ACSL6: variants seen among roughly 807,000 people sequenced by gnomAD.
The protein encoded by ACSL6 is acyl-CoA synthetase long chain family member 6.
Under a neutral mutation model 98.2 loss-of-function variants are expected in ACSL6, and 47 were observed. The observed-to-expected ratio is 0.48, with a 90% CI of 0.38 to 0.61. The LOEUF is 0.61. Among genes scored for constraint, ACSL6 ranks in the 20% least tolerant of loss-of-function variants. The pLI is 0.00. For synonymous variants in ACSL6, 362 were observed against 336.9 expected (o/e 1.07, Z -0.82); for missense variants, 761 against 913.4 (o/e 0.83, Z 2.15).
intron 8 of ACSL6, 41 bp downstream of exon 8, chr5:131,986,781 G>T (rs199975229): frequency 2.5e-6 from 4 of 1,612,714 alleles, no homozygotes; most frequent in Non-Finnish European, 3.4e-6. Flanking sequence ...GGCCCTGCAC[G>T]CCATCTCGCT....
At chr5:131,969,248 T>C (rs1327079242) in intron 15 of ACSL6, among the ~76,000 whole-genome samples, 1 of 152,242 alleles carries the variant, frequency 6.6e-6, no homozygotes. Context: ...AATATTATTT[T>C]CAGAGTACCT....
intron 7 of ACSL6, 92 bp downstream of exon 7, chr5:131,987,956 C>G: frequency 6.5e-7 from 1 of 1,534,476 alleles, no homozygotes; most frequent in South Asian, 1.2e-5. Context: ...AAAACAGCCA[C>G]CCCAGGGCAT....
In ACSL6 at chr5:132,011,649, C is replaced by G; in HGVS notation, c.-96G>C. ...GCAGCCCCAGCAGTAGCCGCGCCGC[C>G]GCCGCCGCTGCCGGGTATTTTTAGC... On this transcript the variant is annotated 5_prime_UTR_variant, in exon 1 of 21. Transcript: ENST00000651883. The surrounding 1 kb of genome is among the most constrained non-coding windows in gnomAD (Gnocchi z 5.4). 1 of 1,259,938 alleles carries G rather than the reference C, an allele frequency of 7.9e-7. No homozygotes were observed. The highest frequency in any genetic ancestry group is 3.7e-5 in the South Asian group (1 of 27,022). The allele number at this position is 1,259,938 out of a possible 1,614,324, so 78.0% of individuals were successfully genotyped here. A position where few individuals can be genotyped will look rare whatever the true frequency, so the allele number is the denominator to read the frequency against.
rs543464349 is a variant in ACSL6, at chr5:131,973,193, G to A, written c.1203+73C>T. The A allele has an allele frequency of 4.5e-6, 7 of 1,550,694 alleles. No individual in the cohort carries two copies. In the South Asian group the frequency reaches 8.7e-5, roughly 19 times the overall value. On this transcript the variant is annotated intron_variant, in intron 12 of 20. Transcript: ENST00000651883. The stretch of plus-strand genomic sequence containing the variant: ...AGTGGAGGCACTGAAAGCCTGCCTG[G>A]GGCTCCAGACCCTGTCCAAACAAGC...
Position 131,950,957 on chromosome 5 carries a change from T to A in ACSL6, c.*3277A>T. ...TTTAATCCTTGGATTTCTGAGTTTA[T>A]GAGTTCCTAATACATGGGGCTAGGC... On this transcript the variant is annotated 3_prime_UTR_variant, in exon 21 of 21. Coordinates refer to ENST00000651883, the MANE Select transcript of ACSL6 (RefSeq NM_001009185.3). The A allele has an allele frequency of 5.2e-6, 1 of 192,796 alleles. No individual in the cohort carries two copies. The highest frequency in any genetic ancestry group is 1.1e-5 in the Non-Finnish European group (1 of 92,218). 11.9% of individuals were successfully genotyped at this position (192,796 alleles called of 1,614,324 possible). A position where few individuals can be genotyped will look rare whatever the true frequency, so the allele number is the denominator to read the frequency against.
intron 17 of ACSL6, among the ~76,000 whole-genome samples, chr5:131,965,587 T>C (rs1337726092): frequency 6.6e-6 from 1 of 152,090 alleles, no homozygotes; most frequent in Non-Finnish European, 1.5e-5. Context: ...CCAGATGGGA[T>C]GGCGGGCACC....
chr5:131,968,287 C>T (rs975758326), intron 15 of ACSL6: 10 of 405,648 alleles, frequency 2.5e-5, no homozygotes, highest in Middle Eastern at 1.3e-3. Flanking sequence ...TGGCCCAGCA[C>T]CAACGTGCAC....
Position 131,954,105 on chromosome 5 carries a change from A to C in ACSL6, c.*129T>G. On this transcript the variant is annotated 3_prime_UTR_variant, in exon 21 of 21. Coordinates refer to ENST00000651883, the MANE Select transcript of ACSL6 (RefSeq NM_001009185.3). ...AATATTGTTAAAGACCTCTTGGGAC[A>C]GGAAAAGGCTCAGTCATAAAATCAG... 1.1e-6 allele frequency: 1 copy of C among 907,262 alleles called. No homozygotes were observed. The highest frequency in any genetic ancestry group is 1.5e-6 in the Non-Finnish European group (1 of 657,492). The allele number at this position is 907,262 out of a possible 1,614,324, so 56.2% of individuals were successfully genotyped here.
intron 1 of ACSL6, 41 bp from the exon 2 acceptor site, chr5:131,994,292 G>A (rs1326785831): frequency 2.0e-6 from 3 of 1,537,428 alleles, no homozygotes; most frequent in Admixed American, 3.8e-5. Context: ...AGACCTGACG[G>A]GCAGGTTAGG....
intron 7 of ACSL6, 116 bp from the exon 8 acceptor site, chr5:131,986,970 T>A: frequency 2.2e-6 from 2 of 913,480 alleles, no homozygotes; most frequent in South Asian, 1.5e-5. Context: ...CACACACACA[T>A]ACCCACACAC....
At chr5:131,981,092 A>C (rs1373874709) in intron 9 of ACSL6, among the ~76,000 whole-genome samples, 4 of 152,170 alleles carry the variant, frequency 2.6e-5, no homozygotes, top group African/African-American at 9.6e-5. Flanking sequence ...CCTTCCTAGC[A>C]GGGCCATCTC....
intron 1 of ACSL6, among the ~76,000 whole-genome samples, chr5:131,996,889 G>C (rs533516686): frequency 7.7e-4 from 117 of 152,336 alleles, no homozygotes; most frequent in South Asian, 6.0e-3. Context: ...AGGTACGAGA[G>C]AGTCAGGGCA....
chr5:131,975,868 C>G (rs2149729329), intron 10 of ACSL6: 2 of 985,474 alleles, frequency 2.0e-6, no homozygotes, highest in South Asian at 9.4e-5. Flanking sequence ...TTGGGCAAAC[C>G]TTGGCTCCTG....
intron 18 of ACSL6, among the ~76,000 whole-genome samples, chr5:131,961,549 T>G (rs776792540): frequency 4.0e-5 from 6 of 151,008 alleles, no homozygotes; most frequent in African/African-American, 1.5e-4. Context: ...AAAAAAAATA[T>G]ATCCAGGTGT....
chr5:131,997,599 A>G (rs1024099215), intron 1 of ACSL6, among the ~76,000 whole-genome samples: 1 of 152,210 alleles, frequency 6.6e-6, no homozygotes, highest in Admixed American at 6.5e-5. Flanking sequence ...TTCGCCATGG[A>G]CATGGGTGGG....
Position 131,994,129 on chromosome 5 carries a change from T to C in ACSL6, c.172A>G (p.Met58Val), listed in dbSNP as rs537576803. The C allele has an allele frequency of 4.7e-5, 76 of 1,614,186 alleles. No individual in the cohort carries two copies. The South Asian group carries it at 8.0e-4, about 17-fold the overall frequency. Residue 58 changes from methionine to valine, a missense_variant, in exon 2 of 21, where the codon ATG becomes GTG. By Grantham distance (21) the Met-to-Val change is conservative. Transcript: ENST00000651883. Reference protein sequence around the residue: ...RSLSATTLVSMGALAAILAYW... With the variant: ...RSLSATTLVSVGALAAILAYW... The stretch of plus-strand genomic sequence containing the variant: ...GCAAGGATGGCAGCCAGGGCACCCA[T>C]ACTCACGAGGGTGGTGGCCGAGAGG...
At chr5:131,985,295 AC>A in intron 9 of ACSL6, 111 bp downstream of exon 9, 1 of 1,378,784 alleles carries the variant, frequency 7.3e-7, no homozygotes, top group South Asian at 1.2e-5. Flanking sequence ...CAGGAACAAG[AC>A]AAGGCTCAGC....
intron 3 of ACSL6, 109 bp from the exon 4 acceptor site, chr5:131,990,273 T>A: frequency 9.1e-7 from 1 of 1,099,250 alleles, no homozygotes; most frequent in Non-Finnish European, 1.3e-6. Flanking sequence ...AGTGTGTCCA[T>A]GGGCCAAGTG....
intron 14 of ACSL6, among the ~76,000 whole-genome samples, chr5:131,970,841 A>G (rs1044180487): frequency 6.6e-6 from 1 of 152,158 alleles, no homozygotes; most frequent in Non-Finnish European, 1.5e-5. Flanking sequence ...TCTGTGTTTT[A>G]TTTTGGCTCC....
Sources: allele counts gnomAD v4.1 joint callset (sites outside exome capture counted in the v4.1 genomes callset), GRCh38; gene constraint gnomAD v4.1.1; non-coding constraint Gnocchi (gnomAD v3.1); transcripts MANE v1.5; gene names NCBI Gene and HGNC (gene_info 2026-07-23, HGNC 2026-07-21).